HS6ST3: variants seen among roughly 807,000 people sequenced by gnomAD.
HS6ST3 encodes heparan sulfate 6-O-sulfotransferase 3.
A neutral mutation model predicts 36.7 loss-of-function variants in HS6ST3; 12 were observed. The ratio of observed to expected loss-of-function variants is 0.33; its 90% CI spans 0.21 to 0.53. The LOEUF (loss-of-function observed/expected upper bound fraction) is 0.53, where lower values mean the gene tolerates loss of function less well. Among genes scored for constraint, HS6ST3 ranks in the 20% least tolerant of loss-of-function variants. The pLI, the probability that HS6ST3 is intolerant of heterozygous loss-of-function variation, is 0.95. For missense variants in HS6ST3, 584 were observed against 640.9 expected (o/e 0.91, Z 0.96); for synonymous variants, 240 against 257.5 (o/e 0.93, Z 0.65).
At chr13:96,291,068 C>G (rs1468108007) in intron 1 of HS6ST3, among the ~76,000 whole-genome samples, 1 of 152,154 alleles carries the variant, frequency 6.6e-6, no homozygotes, top group Non-Finnish European at 1.5e-5. Context: ...TAAACTCATC[C>G]CTGACATTTT....
intron 1 of HS6ST3, among the ~76,000 whole-genome samples, chr13:96,398,808 T>A (rs2055434844): frequency 6.6e-6 from 1 of 152,208 alleles, no homozygotes; most frequent in Admixed American, 6.5e-5. Context: ...ATATACTGTA[T>A]AAGACTTTGT....
intron 1 of HS6ST3, among the ~76,000 whole-genome samples, chr13:96,728,607 A>G (rs1214845551): frequency 2.6e-5 from 4 of 152,238 alleles, no homozygotes; most frequent in African/African-American, 9.6e-5. Flanking sequence ...TCAGAATTAT[A>G]ATATCAATGA....
chr13:96,550,157 T>C (rs2056214281), intron 1 of HS6ST3, among the ~76,000 whole-genome samples: 1 of 152,220 alleles, frequency 6.6e-6, no homozygotes, highest in Admixed American at 6.5e-5. Context: ...ACCTTTAATG[T>C]TGCAGATGGG....
intron 1 of HS6ST3, among the ~76,000 whole-genome samples, chr13:96,464,148 A>AAAAAAAAAAAAAAAAAAAAAAAAT: frequency 6.8e-6 from 1 of 147,664 alleles, no homozygotes; most frequent in Non-Finnish European, 1.5e-5. Context: ...CAAAAAAAAA[A>AAAAAAAAAAAAAAAAAAAAAAAAT]AAAAAAAAAA....
intron 1 of HS6ST3, among the ~76,000 whole-genome samples, chr13:96,559,783 GT>G (rs373942915): frequency 6.6e-6 from 1 of 151,282 alleles, no homozygotes; most frequent in African/African-American, 2.4e-5. Flanking sequence ...CCTTTCAGAT[GT>G]TTAATAAAGC....
At chr13:96,722,270 A>G (rs955108939) in intron 1 of HS6ST3, among the ~76,000 whole-genome samples, 2 of 152,222 alleles carry the variant, frequency 1.3e-5, no homozygotes, top group South Asian at 2.1e-4. Context: ...GTCTAAAAAA[A>G]AAAGAAAGAA....
intron 1 of HS6ST3, among the ~76,000 whole-genome samples, chr13:96,457,138 T>C (rs1444146251): frequency 2.0e-5 from 3 of 152,170 alleles, no homozygotes; most frequent in African/African-American, 4.8e-5. Flanking sequence ...TCCCTGCTCT[T>C]ATATTGTTTT....
At chr13:96,722,367 AAT>A (rs751210957) in intron 1 of HS6ST3, among the ~76,000 whole-genome samples, 16 of 152,204 alleles carry the variant, frequency 1.1e-4, no homozygotes, top group Admixed American at 1.3e-4. Flanking sequence ...TTGTTATAAA[AAT>A]AGTCTCACAA....
chr13:96,168,314 A>G (rs1285562945), intron 1 of HS6ST3, among the ~76,000 whole-genome samples: 1 of 152,206 alleles, frequency 6.6e-6, no homozygotes. Flanking sequence ...TGTTTCTGGT[A>G]CACAAAGGCA....
intron 1 of HS6ST3, among the ~76,000 whole-genome samples, chr13:96,496,079 G>A (rs2055974042): frequency 6.6e-6 from 1 of 152,188 alleles, no homozygotes; most frequent in South Asian, 2.1e-4. Context: ...TGAGAAGTGA[G>A]GGCAGTGAGT....
intron 1 of HS6ST3, among the ~76,000 whole-genome samples, chr13:96,335,763 T>C (rs949952733): frequency 1.3e-5 from 2 of 152,154 alleles, no homozygotes; most frequent in African/African-American, 2.4e-5. Context: ...AGGGTCCTCG[T>C]TGATAGGATA....
chr13:96,767,902 A>G (rs757286684), intron 1 of HS6ST3, among the ~76,000 whole-genome samples: 1 of 152,196 alleles, frequency 6.6e-6, no homozygotes, highest in South Asian at 2.1e-4. Context: ...AATCAAGCCT[A>G]GCTAAGAACC....
intron 1 of HS6ST3, among the ~76,000 whole-genome samples, chr13:96,518,073 TG>T (rs2056079756): frequency 6.6e-6 from 1 of 152,130 alleles, no homozygotes; most frequent in Non-Finnish European, 1.5e-5. Context: ...ATGATGGAGC[TG>T]GGGGCTATTA....
At chr13:96,759,114 C>A (rs550297767) in intron 1 of HS6ST3, among the ~76,000 whole-genome samples, 156 of 151,884 alleles carry the variant, frequency 1.0e-3, no homozygotes, top group Non-Finnish European at 1.8e-3. Flanking sequence ...TATATTACTA[C>A]CTTTCTTATA....
At chr13:96,690,596 T>C (rs540795411) in intron 1 of HS6ST3, among the ~76,000 whole-genome samples, 1 of 152,134 alleles carries the variant, frequency 6.6e-6, no homozygotes, top group Non-Finnish European at 1.5e-5. Context: ...CATCTTGTAA[T>C]ATTTACCTCC....
chr13:96,185,518 G>C (rs1381553360), intron 1 of HS6ST3, among the ~76,000 whole-genome samples: 12 of 152,204 alleles, frequency 7.9e-5, no homozygotes, highest in Admixed American at 7.9e-4. Context: ...TCCTCACTGT[G>C]CCACAGCTGA....
chr13:96,653,221 T>C (rs2139013986), intron 1 of HS6ST3, among the ~76,000 whole-genome samples: 1 of 152,202 alleles, frequency 6.6e-6, no homozygotes, highest in East Asian at 1.9e-4. Context: ...ATTTTTTTTA[T>C]TTTTATACTT....
At chr13:96,594,418 A>G (rs1432718353) in intron 1 of HS6ST3, among the ~76,000 whole-genome samples, 1 of 151,992 alleles carries the variant, frequency 6.6e-6, no homozygotes, top group Non-Finnish European at 1.5e-5. Flanking sequence ...CTTTGTGACT[A>G]GGTGATTTTC....
intron 1 of HS6ST3, among the ~76,000 whole-genome samples, chr13:96,116,519 C>T (rs2053895017): frequency 6.6e-6 from 1 of 152,130 alleles, no homozygotes; most frequent in African/African-American, 2.4e-5. Flanking sequence ...GTTTAACGTG[C>T]AGTGAAATCT....
Sources: allele counts gnomAD v4.1 joint callset (sites outside exome capture counted in the v4.1 genomes callset), GRCh38; gene constraint gnomAD v4.1.1; transcripts MANE v1.5; gene names NCBI Gene and HGNC (gene_info 2026-07-23, HGNC 2026-07-21).